PARD3B: variants seen among roughly 807,000 people sequenced by gnomAD.
The protein encoded by PARD3B is par-3 family cell polarity regulator beta.
A neutral mutation model predicts 130.2 loss-of-function variants in PARD3B; 103 were observed. That is an observed-to-expected ratio of 0.79 (90% CI 0.67 to 0.93). PARD3B has a LOEUF of 0.93. PARD3B is among the 40% of genes least tolerant of loss of function. The probability of loss-of-function intolerance (pLI) is 0.00; values close to 1 mark genes in which losing one functional copy is unlikely to be tolerated. For missense variants in PARD3B, 1,609 were observed against 1,499.2 expected, an observed-to-expected ratio of 1.07 and a Z score of -1.21; for synonymous variants, 583 against 553.2, an observed-to-expected ratio of 1.05 and a Z score of -0.76.
At chr2:204,661,854 T>G (rs1341443162) in intron 1 of PARD3B, among the ~76,000 whole-genome samples, 1 of 151,648 alleles carries the variant, frequency 6.6e-6, no homozygotes, top group African/African-American at 2.4e-5. Flanking sequence ...GATTCTTATA[T>G]CTCCTTCTGC....
At chr2:204,784,700 T>A (rs1310773266) in intron 2 of PARD3B, among the ~76,000 whole-genome samples, 1 of 152,240 alleles carries the variant, frequency 6.6e-6, no homozygotes, top group African/African-American at 2.4e-5. Flanking sequence ...CAATTGTTTC[T>A]GTTTAAGGCC....
In PARD3B at chr2:204,887,264, A is replaced by G. The variant is rs540631748; in HGVS notation, c.223-77888A>G. Among the ~76,000 whole-genome samples the G allele has an allele frequency of 3.9e-4, 59 of 152,328 alleles. No homozygotes were observed. In the South Asian group the frequency reaches 7.3e-3, roughly 19 times the overall value. On this transcript the variant is annotated intron_variant, in intron 2 of 22. Coordinates refer to ENST00000406610, the MANE Select transcript of PARD3B (RefSeq NM_001302769.2). The surrounding 1 kb of genome is among the most constrained non-coding windows in gnomAD (Gnocchi z 4.2). ...ACCCACAAATTACCAATTAAACACAATCTTCCAAAACAATGTGATTATTTT... is the reference window on the plus strand; with the variant it reads ...ACCCACAAATTACCAATTAAACACAGTCTTCCAAAACAATGTGATTATTTT...
intron 2 of PARD3B, among the ~76,000 whole-genome samples, chr2:204,820,344 T>C (rs1257610307): frequency 6.6e-6 from 1 of 151,188 alleles, no homozygotes; most frequent in Non-Finnish European, 1.5e-5. Flanking sequence ...CCCAAAGTGC[T>C]GGGATTACAG....
chr2:204,924,747 A>T lies in PARD3B; in HGVS notation c.223-40405A>T, dbSNP rs541836197. ...AATGTAAAAGTTGGAAGGTACACAC[A>T]TCTAAAACTGTTCACAAACTGAAAT... On this transcript the variant is annotated intron_variant, in intron 2 of 22. Transcript: ENST00000406610. Among the ~76,000 whole-genome samples the T allele has an allele frequency of 9.9e-5, 15 of 152,228 alleles. No homozygotes were observed. The South Asian group carries it at 2.1e-3, about 21-fold the overall frequency.
At chr2:204,754,930 T>C (rs550283066) in intron 2 of PARD3B, among the ~76,000 whole-genome samples, 2 of 152,250 alleles carry the variant, frequency 1.3e-5, no homozygotes, top group Non-Finnish European at 2.9e-5. Context: ...TCCACAAATA[T>C]AATTACATTT....
chr2:204,931,598 GTT>G (rs5837943), intron 2 of PARD3B, among the ~76,000 whole-genome samples: 18 of 145,730 alleles, frequency 1.2e-4, no homozygotes, highest in East Asian at 2.0e-4. Context: ...ATTAACAATT[GTT>G]TTTTTTTTTT....
intron 2 of PARD3B, among the ~76,000 whole-genome samples, chr2:204,736,508 G>C (rs1413182040): frequency 6.6e-6 from 1 of 151,974 alleles, no homozygotes; most frequent in Non-Finnish European, 1.5e-5. Context: ...ACTTCCACTA[G>C]TGAGGACATA....
At chr2:204,659,829 CAATG>C (rs2035744763) in intron 1 of PARD3B, among the ~76,000 whole-genome samples, 1 of 152,110 alleles carries the variant, frequency 6.6e-6, no homozygotes, top group Non-Finnish European at 1.5e-5. Context: ...TCTTTATAAA[CAATG>C]GATGCTATTT....
chr2:204,656,655 A>G (rs978994379), intron 1 of PARD3B, among the ~76,000 whole-genome samples: 6 of 152,128 alleles, frequency 3.9e-5, no homozygotes, highest in Admixed American at 2.0e-4. Flanking sequence ...AGCACTGTCC[A>G]TGTTTCCAGT....
chr2:205,193,349 C>T, intron 15 of PARD3B, 29 bp downstream of exon 15: 1 of 1,483,610 alleles, frequency 6.7e-7, no homozygotes, highest in Non-Finnish European at 9.4e-7. Context: ...ACATCCAGGT[C>T]AGCTCTCCAG....
chr2:205,514,559 CTTG>C (rs1209744722), intron 21 of PARD3B, among the ~76,000 whole-genome samples: 9 of 148,124 alleles, frequency 6.1e-5, no homozygotes, highest in African/African-American at 2.2e-4. Context: ...GTTTGCTTTT[CTTG>C]TTTATATCTA....
intron 4 of PARD3B, among the ~76,000 whole-genome samples, chr2:205,077,889 G>C (rs1701172782): frequency 6.6e-6 from 1 of 152,098 alleles, no homozygotes; most frequent in Admixed American, 6.5e-5. Context: ...GTTGGCCATA[G>C]GAATTTTTGT....
chr2:205,491,813 C>T (rs116154121), intron 20 of PARD3B, among the ~76,000 whole-genome samples: 6,024 of 152,232 alleles, frequency 0.04, 158 homozygotes, highest in Middle Eastern at 0.054. Flanking sequence ...AAAGGTCAGC[C>T]TCAGGTTGCC....
intron 3 of PARD3B, among the ~76,000 whole-genome samples, chr2:204,997,300 T>C (rs1694309410): frequency 6.6e-6 from 1 of 152,176 alleles, no homozygotes; most frequent in Non-Finnish European, 1.5e-5. Flanking sequence ...GAGATTTTGA[T>C]TGGGATTGAA....
chr2:205,541,178 T>C (rs1241310534), intron 21 of PARD3B, among the ~76,000 whole-genome samples: 7 of 152,146 alleles, frequency 4.6e-5, no homozygotes, highest in Non-Finnish European at 5.9e-5. Flanking sequence ...AGGAATTACC[T>C]GTACGCTAAG....
rs1438769520 is a variant in PARD3B, at chr2:204,664,685, T to G, written c.121-21496T>G. Among the ~76,000 whole-genome samples the G allele has an allele frequency of 3.3e-5, 5 of 152,196 alleles. No individual in the cohort carries two copies. The highest frequency in any genetic ancestry group is 7.3e-5 in the Non-Finnish European group (5 of 68,034). On this transcript the variant is annotated intron_variant, in intron 1 of 22. Transcript: ENST00000406610. The surrounding 1 kb of genome is among the most constrained non-coding windows in gnomAD (Gnocchi z 5.2). ...TTATAGGCAAATAGCTTTTGAGAAT[T>G]TGGACTCATTAGCAGGGCTTATTTC...
rs1257696456 is a variant in PARD3B at position 205,405,420 on chromosome 2, T to C, written c.2741+4297T>C. On this transcript the variant is annotated intron_variant, in intron 19 of 22. Transcript: ENST00000406610. This position sits in a 1 kb window ranked among gnomAD's most constrained non-coding sequence, Gnocchi z 4.1. The stretch of plus-strand genomic sequence containing the variant: ...CAGAGTCTGAGAAACCCTTTTATAA[T>C]CTCCAGGCTTCACAAAGAGCAAGGT... Among the ~76,000 whole-genome samples the C allele has an allele frequency of 6.6e-6, 1 of 152,142 alleles. No homozygotes were observed. The highest frequency in any genetic ancestry group is 1.5e-5 in the Non-Finnish European group (1 of 68,038).
At chr2:205,184,720 T>C (rs2035992929) in intron 13 of PARD3B, among the ~76,000 whole-genome samples, 2 of 151,870 alleles carry the variant, frequency 1.3e-5, no homozygotes, top group Non-Finnish European at 2.9e-5. Context: ...CCAGCCTGGG[T>C]GGCAGAGCGA....
At chr2:205,079,618 A>T (rs1412891409) in intron 4 of PARD3B, among the ~76,000 whole-genome samples, 1 of 152,174 alleles carries the variant, frequency 6.6e-6, no homozygotes, top group African/African-American at 2.4e-5. Context: ...TGCATTGGGG[A>T]TTCAGTTTCA....
Sources: allele counts gnomAD v4.1 joint callset (sites outside exome capture counted in the v4.1 genomes callset), GRCh38; gene constraint gnomAD v4.1.1; non-coding constraint Gnocchi (gnomAD v3.1); transcripts MANE v1.5; gene names NCBI Gene and HGNC (gene_info 2026-07-23, HGNC 2026-07-21).